CA8: variants seen among roughly 807,000 people sequenced by gnomAD.
CA8 encodes carbonic anhydrase 8 (inactive).
Under a neutral mutation model 41.4 loss-of-function variants are expected in CA8, and 22 were observed. The ratio of observed to expected loss-of-function variants is 0.53; its 90% CI spans 0.38 to 0.76. The LOEUF (loss-of-function observed/expected upper bound fraction) is 0.76. CA8 is among the 30% of genes least tolerant of loss of function. CA8 has a pLI of 0.00. For synonymous variants in CA8, 121 were observed against 130.6 expected (o/e 0.93, Z 0.50); for missense variants, 270 against 352.8 (o/e 0.77, Z 1.88).
intron 7 of CA8, among the ~76,000 whole-genome samples, chr8:60,211,642 G>T (rs563037574): frequency 6.3e-4 from 96 of 152,220 alleles, no homozygotes; most frequent in Admixed American, 9.2e-4. Flanking sequence ...CAGAAGAGAT[G>T]ATCTGAATCA....
At chr8:60,248,245 C>G (rs943008837) in intron 3 of CA8, among the ~76,000 whole-genome samples, 2 of 152,112 alleles carry the variant, frequency 1.3e-5, no homozygotes, top group African/African-American at 4.8e-5. Context: ...TACAGAACTT[C>G]TTTAGTTTAA....
intron 7 of CA8, among the ~76,000 whole-genome samples, chr8:60,215,895 T>C (rs1421097446): frequency 6.6e-6 from 1 of 152,234 alleles, no homozygotes; most frequent in Non-Finnish European, 1.5e-5. Context: ...CCAATACTAT[T>C]ATCCTATGGC....
In CA8 at chr8:60,235,369, T is replaced by C. The variant is rs76463518; in HGVS notation, c.418-2990A>G. On this transcript the variant is annotated intron_variant, in intron 3 of 8. Transcript: ENST00000317995. Reference sequence around the variant, plus strand: ...TAGGGCATGCCTAATGACCTCCTTTTAACCTAATTATCTCTGTGATGACCC... The same window carrying C: ...TAGGGCATGCCTAATGACCTCCTTTCAACCTAATTATCTCTGTGATGACCC... Among the ~76,000 whole-genome samples, 499 of 152,304 alleles carry C rather than the reference T, an allele frequency of 3.3e-3. 1 individual carries two copies. The highest frequency in any genetic ancestry group is 0.011 in the African/African-American group (464 of 41,554).
At chr8:60,271,675 C>T (rs1171310603) in intron 2 of CA8, among the ~76,000 whole-genome samples, 3 of 152,138 alleles carry the variant, frequency 2.0e-5, no homozygotes, top group Non-Finnish European at 4.4e-5. Flanking sequence ...GGCAATTTCT[C>T]CCATAATGAT....
Position 60,206,324 on chromosome 8 carries a change from A to G in CA8, c.*35+2426T>C, listed in dbSNP as rs147183536. Among the ~76,000 whole-genome samples, 93 of 152,276 alleles carry G rather than the reference A, an allele frequency of 6.1e-4. 1 individual carries two copies. The highest frequency in any genetic ancestry group is 2.0e-3 in the African/African-American group (82 of 41,564). ...AAGTATGTGAAATATACAAAATCTC[A>G]TAAACAACATTTCTCTGTGTGTGTG... On this transcript the variant is annotated intron_variant, in intron 8 of 8. Transcript: ENST00000317995.
Position 60,222,709 on chromosome 8 carries a change from A to T in CA8, c.678T>A (p.Pro226=), listed in dbSNP as rs949171887. 6.2e-7 allele frequency: 1 copy of T among 1,614,082 alleles called. No individual in the cohort carries two copies. Among genetic ancestry groups the T allele is most frequent in the African/African-American group, 1.3e-5 (1 of 75,060 alleles). ...ATATCCAGGTGACACCTTCACTGCA[A>T]GGTGGGATGGTGAGAGAGCCTTCAT... The part of the protein sequence containing the change: ...WVYEGSLTIP[P]CSEGVTWILF... Residue 226 remains proline, a synonymous_variant, in exon 7 of 9, where the codon CCT becomes CCA. Transcript: ENST00000317995.
chr8:60,238,665 C>A (rs927992297), intron 3 of CA8, among the ~76,000 whole-genome samples: 6 of 152,184 alleles, frequency 3.9e-5, no homozygotes, highest in Non-Finnish European at 8.8e-5. Flanking sequence ...CTTTTTAACA[C>A]AACTTTCACC....
Position 60,186,512 on chromosome 8 carries a change from CAT to C in CA8, c.*3507_*3508del, listed in dbSNP as rs1220545537. On this transcript the variant is annotated 3_prime_UTR_variant, in exon 9 of 9. Transcript: ENST00000317995. Reference sequence around the variant, plus strand: ...GGAACAACAACAAAAAGATACAAGACATGTGGAAAACAAAAAGTAAAATGGCA... The same window carrying C: ...GGAACAACAACAAAAAGATACAAGACGTGGAAAACAAAAAGTAAAATGGCA... 2.7e-5 allele frequency among the ~76,000 whole-genome samples: 4 copies of C among 150,474 alleles called. No individual in the cohort carries two copies. Among genetic ancestry groups the C allele is most frequent in the Non-Finnish European group, 5.9e-5 (4 of 67,492 alleles).
At chr8:60,206,819 TC>T (rs1289243572) in intron 8 of CA8, among the ~76,000 whole-genome samples, 1 of 152,162 alleles carries the variant, frequency 6.6e-6, no homozygotes, top group Non-Finnish European at 1.5e-5. Flanking sequence ...TTCATCCCTT[TC>T]AACTTTTCAG....
At chr8:60,232,894 A>G (rs1044202880) in intron 3 of CA8, among the ~76,000 whole-genome samples, 2 of 152,228 alleles carry the variant, frequency 1.3e-5, no homozygotes, top group African/African-American at 4.8e-5. Context: ...CTGCATATTT[A>G]AAGCCACGGT....
At chr8:60,215,355 G>GTA (rs1491283579) in intron 7 of CA8, among the ~76,000 whole-genome samples, 1 of 91,670 alleles carries the variant, frequency 1.1e-5, no homozygotes, top group Non-Finnish European at 2.5e-5. Flanking sequence ...GTGTGTGTGT[G>GTA]TATACACACA....
At chr8:60,209,047 G>T in intron 7 of CA8, 128 bp from the exon 8 acceptor site, 2 of 1,075,564 alleles carry the variant, frequency 1.9e-6, no homozygotes, top group Non-Finnish European at 2.7e-6. Flanking sequence ...TTAAAATTAA[G>T]CTTCAAAAAG....
chr8:60,215,569 A>G (rs1184714545), intron 7 of CA8, among the ~76,000 whole-genome samples: 1 of 152,176 alleles, frequency 6.6e-6, no homozygotes, highest in African/African-American at 2.4e-5. Flanking sequence ...GGAAATAAAA[A>G]AATTTTAATA....
At position 60,226,905 on chromosome 8, in the gene CA8, C is replaced by T. The variant is rs750480778; in HGVS notation, c.544G>A (p.Val182Met). Residue 182 changes from valine (V) to methionine (M), a missense_variant, in exon 5 of 9, where the codon GTG (valine) becomes ATG (methionine). By Grantham distance (21) the Val-to-Met change is conservative. Around this residue, in one of 3 missense-constraint regions of CA8, gnomAD observed 141 missense variants for 191.6 expected, o/e 0.74. Coordinates refer to ENST00000317995, the MANE Select transcript of CA8 (RefSeq NM_004056.6). ...IGKEHVGLKA[V>M]TEILQDIQYK... is the part of the protein sequence containing the mutation. Reference sequence around the variant, plus strand: ...TGAATATCTTGGAGGATTTCAGTCACAGCCTTCAAGCCAACATGTTCCTTT... The same window carrying T: ...TGAATATCTTGGAGGATTTCAGTCATAGCCTTCAAGCCAACATGTTCCTTT... 7 of 1,603,940 alleles carry T rather than the reference C, an allele frequency of 4.4e-6. No individual in the cohort carries two copies. Among genetic ancestry groups the T allele is most frequent in the Non-Finnish European group, 6.0e-6 (7 of 1,171,056 alleles).
chr8:60,220,874 T>C (rs1320944433), intron 7 of CA8, among the ~76,000 whole-genome samples: 2 of 152,304 alleles, frequency 1.3e-5, no homozygotes, highest in Middle Eastern at 3.4e-3. Context: ...AAAAGATCCC[T>C]GTTGAGATCC....
At chr8:60,200,590 T>C (rs937299067) in intron 8 of CA8, among the ~76,000 whole-genome samples, 1 of 152,232 alleles carries the variant, frequency 6.6e-6, no homozygotes, top group Non-Finnish European at 1.5e-5. Context: ...TCCTCAATAA[T>C]TGCTAACACC....
Position 60,187,890 on chromosome 8 carries a change from C to T in CA8, c.*2131G>A, listed in dbSNP as rs919402994. The T allele has an allele frequency of 6.6e-6, 1 of 152,150 alleles. No homozygotes were observed. The highest frequency in any genetic ancestry group is 6.6e-5 in the Admixed American group (1 of 15,264). The allele number at this position is 152,150 out of a possible 1,614,324, so 9.4% of individuals were successfully genotyped here. ...CCATCACATAGGTTTTACTTTCTTTCCTATCACACCATCAAAACAGATTTG... is the reference window on the plus strand; with the variant it reads ...CCATCACATAGGTTTTACTTTCTTTTCTATCACACCATCAAAACAGATTTG... On this transcript the variant is annotated 3_prime_UTR_variant, in exon 9 of 9. Coordinates refer to ENST00000317995, the MANE Select transcript of CA8 (RefSeq NM_004056.6).
At chr8:60,194,108 A>G (rs919292667) in intron 8 of CA8, among the ~76,000 whole-genome samples, 3 of 151,596 alleles carry the variant, frequency 2.0e-5, no homozygotes, top group African/African-American at 7.3e-5. Flanking sequence ...TCTTAATAGC[A>G]CCCTGTTTTT....
chr8:60,243,297 G>A (rs1201748119), intron 3 of CA8, among the ~76,000 whole-genome samples: 1 of 151,884 alleles, frequency 6.6e-6, no homozygotes, highest in Non-Finnish European at 1.5e-5. Context: ...CTCTTTTCCA[G>A]GAGTAAACAT....
Sources: allele counts gnomAD v4.1 joint callset (sites outside exome capture counted in the v4.1 genomes callset), GRCh38; gene constraint gnomAD v4.1.1; regional missense constraint gnomAD v4.1.1; transcripts MANE v1.5; gene names NCBI Gene and HGNC (gene_info 2026-07-23, HGNC 2026-07-21).